The following CPEB1 variants were observed in gnomAD, a reference collection of about 807,000 sequenced individuals.
CPEB1 encodes cytoplasmic polyadenylation element binding protein 1.
A neutral mutation model predicts 65.8 loss-of-function variants in CPEB1; 7 were observed. The observed-to-expected ratio is 0.11, with a 90% CI of 0.06 to 0.20. The LOEUF (loss-of-function observed/expected upper bound fraction) is 0.20, where lower values mean the gene tolerates loss of function less well. Ranked by LOEUF, CPEB1 falls within the 10% of genes least tolerant of loss-of-function variation. The probability of loss-of-function intolerance (pLI) is 1.00; values close to 1 mark genes in which losing one functional copy is unlikely to be tolerated. For missense variants in CPEB1, 551 were observed against 712.2 expected (o/e 0.77, Z 2.58); for synonymous variants, 262 against 260.0 (o/e 1.01, Z -0.08).
chr15:82,614,496 C>G (rs369302290), intron 3 of CPEB1, among the ~76,000 whole-genome samples: 112 of 152,170 alleles, frequency 7.4e-4, no homozygotes, highest in African/African-American at 2.6e-3. Context: ...TTACTGAAGT[C>G]TAAATAAATA....
chr15:82,634,753 G>C (rs1185302505), intron 1 of CPEB1, among the ~76,000 whole-genome samples: 1 of 127,288 alleles, frequency 7.9e-6, no homozygotes, highest in Non-Finnish European at 1.6e-5. Flanking sequence ...CATTGGTCTT[G>C]AACATTTAGA....
Position 82,616,437 on chromosome 15 carries a change from G to A in CPEB1, c.271+10756C>T, listed in dbSNP as rs535173640. ...CTTAAGTGCAAAACTTTTATTTGATGTTTATATTGTCTGAATAAAGGTCTG... is the reference window on the plus strand; with the variant it reads ...CTTAAGTGCAAAACTTTTATTTGATATTTATATTGTCTGAATAAAGGTCTG... On this transcript the variant is annotated intron_variant, in intron 3 of 12. Coordinates refer to ENST00000684509, the MANE Select transcript of CPEB1 (RefSeq NM_001365242.1). 2.0e-5 allele frequency among the ~76,000 whole-genome samples: 3 copies of A among 151,740 alleles called. No homozygotes were observed. In the East Asian group the frequency reaches 5.8e-4, roughly 29 times the overall value.
At chr15:82,593,796 A>T (rs934691278) in intron 3 of CPEB1, among the ~76,000 whole-genome samples, 5 of 152,246 alleles carry the variant, frequency 3.3e-5, no homozygotes, top group Non-Finnish European at 7.3e-5. Flanking sequence ...TTGTGTCAGC[A>T]GGCATGAAAT....
intron 1 of CPEB1, chr15:82,640,518 G>T (rs34676523): frequency 1.3e-5 from 2 of 151,918 alleles, no homozygotes; most frequent in Non-Finnish European, 2.9e-5. Context: ...CTTTTGCCTA[G>T]AATGTCCTTC....
chr15:82,572,990 AC>A, intron 3 of CPEB1: 3 of 1,512,408 alleles, frequency 2.0e-6, no homozygotes, highest in Non-Finnish European at 2.6e-6. Flanking sequence ...ACAGGCCCAG[AC>A]TCACCAGGCA....
At chr15:82,553,372 C>A in intron 8 of CPEB1, 95 bp downstream of exon 8, 1 of 880,614 alleles carries the variant, frequency 1.1e-6, no homozygotes, top group Non-Finnish European at 1.9e-6. Flanking sequence ...TACCAACATG[C>A]AGCTGTGACA....
intron 3 of CPEB1, among the ~76,000 whole-genome samples, chr15:82,618,886 C>T (rs2045023861): frequency 6.6e-6 from 1 of 152,156 alleles, no homozygotes; most frequent in Non-Finnish European, 1.5e-5. Flanking sequence ...GAACTTGATT[C>T]ATAGGTTCAA....
chr15:82,645,452 C>A (rs1362004547), intron 1 of CPEB1, among the ~76,000 whole-genome samples: 2 of 151,900 alleles, frequency 1.3e-5, no homozygotes, highest in African/African-American at 2.4e-5. Context: ...GGGGCCGGGC[C>A]GTACTTTTTT....
At chr15:82,556,665 C>G (rs953057527) in intron 5 of CPEB1, 1 of 152,588 alleles carries the variant, frequency 6.6e-6, no homozygotes, top group African/African-American at 2.4e-5. Context: ...TTAAAATCCC[C>G]AAATATTAAT....
intron 1 of CPEB1, among the ~76,000 whole-genome samples, chr15:82,646,100 G>C (rs2047493222): frequency 1.3e-5 from 2 of 152,134 alleles, no homozygotes; most frequent in African/African-American, 4.8e-5. Flanking sequence ...TCACCAACTT[G>C]AGGTTTCCAA....
At chr15:82,613,892 G>C (rs1033399708) in intron 3 of CPEB1, among the ~76,000 whole-genome samples, 1 of 151,996 alleles carries the variant, frequency 6.6e-6, no homozygotes, top group Admixed American at 6.5e-5. Context: ...CCCTGGGACA[G>C]CCCGGGAGGC....
intron 1 of CPEB1, chr15:82,629,419 T>C (rs1445956130): frequency 2.0e-6 from 2 of 984,334 alleles, no homozygotes; most frequent in African/African-American, 3.5e-5. Flanking sequence ...AGAAGATGGG[T>C]AAGACATTAC....
intron 3 of CPEB1, among the ~76,000 whole-genome samples, chr15:82,614,025 C>T (rs937547997): frequency 6.6e-5 from 10 of 151,718 alleles, no homozygotes; most frequent in African/African-American, 1.5e-4. Context: ...GGAAGCCCAC[C>T]GGGAGAGAGA....
At chr15:82,565,399 G>C (rs904976406) in intron 4 of CPEB1, among the ~76,000 whole-genome samples, 2 of 152,232 alleles carry the variant, frequency 1.3e-5, no homozygotes, top group Non-Finnish European at 2.9e-5. Context: ...CCTATGTAAG[G>C]TTGCTGAGTA....
chr15:82,604,664 C>T (rs527754355), intron 3 of CPEB1, among the ~76,000 whole-genome samples: 33 of 152,048 alleles, frequency 2.2e-4, no homozygotes, highest in Non-Finnish European at 4.6e-4. Context: ...ACTACAGGGG[C>T]TCAACAGCAG....
chr15:82,583,962 C>T (rs1462151130), intron 3 of CPEB1, among the ~76,000 whole-genome samples: 1 of 152,094 alleles, frequency 6.6e-6, no homozygotes, highest in Non-Finnish European at 1.5e-5. Flanking sequence ...CCTAAACTTA[C>T]AGTTAAAAGA....
intron 1 of CPEB1, among the ~76,000 whole-genome samples, chr15:82,641,033 G>A (rs1214405423): frequency 2.0e-5 from 3 of 152,096 alleles, no homozygotes; most frequent in African/African-American, 2.4e-5. Flanking sequence ...ATGAGAAAAC[G>A]TGGGTTCAAG....
intron 1 of CPEB1, chr15:82,637,861 T>C (rs2046788396): frequency 1.1e-5 from 4 of 351,272 alleles, no homozygotes; most frequent in East Asian, 7.4e-5. Flanking sequence ...CAAGAGCTTT[T>C]TGTGTAAGTA....
intron 3 of CPEB1, among the ~76,000 whole-genome samples, chr15:82,602,460 G>A (rs1287821982): frequency 6.6e-6 from 1 of 152,148 alleles, no homozygotes; most frequent in Non-Finnish European, 1.5e-5. Context: ...CAGATGGGAG[G>A]ATCACTTGAG....
Sources: gnomAD v4.1 joint callset for allele counts (sites outside exome capture counted in the v4.1 genomes callset) on GRCh38, gnomAD v4.1.1 for gene constraint, MANE v1.5 for transcripts, NCBI Gene and HGNC (gene_info 2026-07-23, HGNC 2026-07-21) for gene names.